SPATA3: variants seen among roughly 807,000 people sequenced by gnomAD.
The protein encoded by SPATA3 is spermatogenesis associated 3, also known as spermatogenesis-associated protein 3.
Under a neutral mutation model 5.7 loss-of-function variants are expected in SPATA3, and 6 were observed. The ratio of observed to expected loss-of-function variants is 1.06; its 90% confidence interval spans 0.58 to 2.09. The LOEUF (loss-of-function observed/expected upper bound fraction) is 2.09, where lower values mean the gene tolerates loss of function less well. Ranked by LOEUF, SPATA3 falls within the 30% of genes most tolerant of loss-of-function variation. SPATA3 has a pLI of 0.00. For missense variants in SPATA3, 155 were observed against 130.4 expected, an observed-to-expected ratio of 1.19 and a Z score of -0.92; for synonymous variants, 44 against 48.4, an observed-to-expected ratio of 0.91 and a Z score of 0.37.
intron 6 of SPATA3, among the ~76,000 whole-genome samples, chr2:231,016,528 G>A (rs367825801): frequency 0.051 from 5,410 of 105,746 alleles, 143 homozygotes; most frequent in East Asian, 0.16. Context: ...AAAAAAAGAA[G>A]AAGAAGGTTA....
downstream of SPATA3, among the ~76,000 whole-genome samples, chr2:231,010,513 G>C (rs1692753399): frequency 6.6e-6 from 1 of 152,182 alleles, no homozygotes; most frequent in Non-Finnish European, 1.5e-5. Flanking sequence ...ACAAGGCTGG[G>C]GGAAAATTCA....
intron 1 of SPATA3, among the ~76,000 whole-genome samples, chr2:230,997,447 A>C (rs577897275): frequency 7.2e-4 from 109 of 152,350 alleles, no homozygotes; most frequent in African/African-American, 2.4e-3. Flanking sequence ...AAAACAGACA[A>C]ATACAGGCCC....
At chr2:231,010,505 A>G (rs979332223), downstream of SPATA3, among the ~76,000 whole-genome samples, 1 of 152,208 alleles carries the variant, frequency 6.6e-6, no homozygotes. Context: ...GTTCTTACAC[A>G]AGGCTGGGGG....
At chr2:231,002,981 G>A (rs1323647741), downstream of SPATA3, among the ~76,000 whole-genome samples, 1 of 152,170 alleles carries the variant, frequency 6.6e-6, no homozygotes, top group Non-Finnish European at 1.5e-5. Flanking sequence ...GCTCTCAGAT[G>A]ACGCTAGACT....
chr2:230,996,513 G>T, intron 1 of SPATA3: 8 of 1,551,966 alleles, frequency 5.2e-6, no homozygotes, highest in Non-Finnish European at 7.0e-6. Context: ...CGTGAAGGCA[G>T]CCCCTCAATC....
At chr2:231,011,072 C>CAAAAAAAAAAAAAAAAAAAA (rs556496371), downstream of SPATA3, among the ~76,000 whole-genome samples, 10 of 79,868 alleles carry the variant, frequency 1.3e-4, no homozygotes, top group East Asian at 3.6e-4. Flanking sequence ...GACCCTGTCT[C>CAAAAAAAAAAAAAAAAAAAA]AAAAAAAAAA....
chr2:230,997,149 A>G (rs1692155899), intron 1 of SPATA3, among the ~76,000 whole-genome samples: 1 of 152,162 alleles, frequency 6.6e-6, no homozygotes, highest in Non-Finnish European at 1.5e-5. Context: ...TCTCTTCTTG[A>G]ATTCCCAGGT....
At chr2:231,000,558 G>C in intron 2 of SPATA3, 21 bp downstream of exon 2, 1 of 1,480,072 alleles carries the variant, frequency 6.8e-7, no homozygotes, top group Non-Finnish European at 9.0e-7. Flanking sequence ...CGAGGGGCTG[G>C]AGCCTCGGGG....
downstream of SPATA3, among the ~76,000 whole-genome samples, chr2:231,005,410 T>G (rs376690789): frequency 4.9e-5 from 1 of 20,528 alleles, no homozygotes; most frequent in African/African-American, 2.2e-4. Context: ...CCACCACCAG[T>G]ATCAGCATCA....
At chr2:231,002,498 G>A (rs1692389268) in intron 2 of SPATA3, among the ~76,000 whole-genome samples, 186 bp from the exon 3 acceptor site, 1 of 152,160 alleles carries the variant, frequency 6.6e-6, no homozygotes, top group Non-Finnish European at 1.5e-5. Context: ...ATCCTCAGGG[G>A]TCTTTCAGTA....
downstream of SPATA3, among the ~76,000 whole-genome samples, chr2:231,005,882 G>C (rs914136127): frequency 6.6e-6 from 1 of 151,682 alleles, no homozygotes; most frequent in Non-Finnish European, 1.5e-5. Context: ...CTTACTTTTT[G>C]GCTGGGAATA....
At chr2:231,012,142 A>G (rs923268941), downstream of SPATA3, among the ~76,000 whole-genome samples, 2 of 152,208 alleles carry the variant, frequency 1.3e-5, no homozygotes, top group Non-Finnish European at 2.9e-5. Context: ...GAAAGTGTCC[A>G]AGGCAGAGAG....
chr2:231,011,228 C>T (rs1337786980), downstream of SPATA3, among the ~76,000 whole-genome samples: 3 of 152,134 alleles, frequency 2.0e-5, no homozygotes, highest in South Asian at 2.1e-4. Context: ...AATTCTCCTG[C>T]CTCAGCCTCC....
At chr2:231,018,830 A>G (rs12987523) in intron 6 of SPATA3, among the ~76,000 whole-genome samples, 50,220 of 151,462 alleles carry the variant, frequency 0.33, 8,533 homozygotes, top group Admixed American at 0.38. Flanking sequence ...GATTACAGGC[A>G]CGTGCCACCA....
intron 6 of SPATA3, among the ~76,000 whole-genome samples, chr2:231,017,819 T>C (rs1692970580): frequency 6.6e-6 from 1 of 152,126 alleles, no homozygotes; most frequent in Admixed American, 6.6e-5. Context: ...GTGAAGTAAA[T>C]TGTGGATGCA....
intron 1 of SPATA3, among the ~76,000 whole-genome samples, chr2:230,996,979 T>C (rs991584237): frequency 6.6e-6 from 1 of 152,244 alleles, no homozygotes; most frequent in African/African-American, 2.4e-5. Flanking sequence ...TCTGGGTTGA[T>C]GGAGGATGAG....
At chr2:231,003,380 C>T (rs776288261), downstream of SPATA3, among the ~76,000 whole-genome samples, 21 of 151,770 alleles carry the variant, frequency 1.4e-4, no homozygotes, top group Non-Finnish European at 2.6e-4. Context: ...CTTCCCTCAT[C>T]CCTGGAAGCA....
In SPATA3 at chr2:231,000,547, G is replaced by A. The variant is rs779506367; in HGVS notation, c.962+10G>A. 1.5e-5 allele frequency: 23 copies of A among 1,508,110 alleles called. No homozygotes were observed. The highest frequency in any genetic ancestry group is 3.8e-5 in the South Asian group (3 of 79,418). 93.4% of individuals were successfully genotyped at this position (1,508,110 alleles called of 1,614,324 possible). ...TGCTCACCTTCTACAGGTTCCAAGC[G>A]CGAGGGGCTGGAGCCTCGGGGCACA... On this transcript the variant is annotated intron_variant, in intron 2 of 2. Transcript: ENST00000645363.
At chr2:231,004,580 A>G (rs11690743), downstream of SPATA3, among the ~76,000 whole-genome samples, 55,145 of 152,058 alleles carry the variant, frequency 0.36, 10,166 homozygotes, top group South Asian at 0.46. Flanking sequence ...CACAGGACCC[A>G]GTGTCAGGGA....
Sources: gnomAD v4.1 joint callset for allele counts (sites outside exome capture counted in the v4.1 genomes callset) on GRCh38, gnomAD v4.1.1 for gene constraint, MANE v1.5 for transcripts, NCBI Gene and HGNC (gene_info 2026-07-23, HGNC 2026-07-21) for gene names.